Variants in CHST1 observed in about 807,000 individuals in gnomAD.
CHST1 encodes the protein carbohydrate sulfotransferase 1.
CHST1 carries 10 observed loss-of-function variants against 22.5 expected under a neutral mutation model. The observed-to-expected ratio is 0.44, with a 90% CI of 0.27 to 0.75. The LOEUF is 0.75. Ranked by LOEUF, CHST1 falls within the 30% of genes least tolerant of loss-of-function variation. CHST1 has a pLI of 0.15. For synonymous variants in CHST1, 267 were observed against 264.5 expected (o/e 1.01, Z -0.09); for missense variants, 439 against 576.1 (o/e 0.76, Z 2.44).
chr11:45,653,122 C>G (rs964183502), intron 1 of CHST1, among the ~76,000 whole-genome samples: 1 of 152,162 alleles, frequency 6.6e-6, no homozygotes. Flanking sequence ...TCTTCCCACA[C>G]CCCACTATTT....
intron 1 of CHST1, among the ~76,000 whole-genome samples, chr11:45,655,965 T>C (rs1001975307): frequency 2.6e-5 from 4 of 152,250 alleles, no homozygotes; most frequent in African/African-American, 9.6e-5. Flanking sequence ...CCCAGTCATC[T>C]TCCAGGAGGA....
At position 45,650,431 on chromosome 11, in the gene CHST1, C is replaced by T; in HGVS notation, c.493G>A (p.Val165Met). The change falls in exon 4 of 4, where the codon GTG becomes ATG. Residue 165 changes from valine (V) to methionine (M), a missense_variant. Val to Met is a conservative substitution (Grantham distance 21). Coordinates refer to ENST00000308064, the MANE Select transcript of CHST1 (RefSeq NM_003654.6). ...GASRVLCSRP[V>M]CDPPGPADLV... is the part of the protein sequence containing the mutation. Reference sequence around the variant, plus strand: ...TCGGCTGGCCCCGGAGGGTCGCACACAGGCCGGGAGCAGAGGACCCGGCTG... The same window carrying T: ...TCGGCTGGCCCCGGAGGGTCGCACATAGGCCGGGAGCAGAGGACCCGGCTG... The T allele has an allele frequency of 6.2e-7, 1 of 1,609,722 alleles. No individual in the cohort carries two copies.
intron 1 of CHST1, among the ~76,000 whole-genome samples, chr11:45,660,425 CT>C (rs1163380627): frequency 6.6e-6 from 1 of 152,154 alleles, no homozygotes; most frequent in African/African-American, 2.4e-5. Flanking sequence ...TTTGTTGACC[CT>C]TTTTGTGTGT....
chr11:45,650,144 G>C lies in CHST1; in HGVS notation c.780C>G (p.Thr260=), dbSNP rs779445818. 2 of 1,613,694 alleles carry C rather than the reference G, an allele frequency of 1.2e-6. No homozygotes were observed. The highest frequency in any genetic ancestry group is 2.7e-5 in the African/African-American group (2 of 74,938). ...TYRLWRLWYG[T]GRKPYNLDVT... is the part of the protein sequence containing the mutation. ...CGTCCAGGTTGTAGGGTTTCCTCCC[G>C]GTGCCGTACCAGAGCCGCCAGAGCC... Residue 260 remains threonine, a synonymous_variant, in exon 4 of 4, where the codon ACC becomes ACG. Transcript: ENST00000308064.
chr11:45,662,480 G>C (rs1430137896), intron 1 of CHST1, among the ~76,000 whole-genome samples: 1 of 152,170 alleles, frequency 6.6e-6, no homozygotes, highest in African/African-American at 2.4e-5. Context: ...GGTGTGCCGG[G>C]GCCGCTGGGG....
chr11:45,660,580 A>T (rs1852119049), intron 1 of CHST1, among the ~76,000 whole-genome samples: 1 of 152,242 alleles, frequency 6.6e-6, no homozygotes, highest in Non-Finnish European at 1.5e-5. Context: ...AGAGGGGCTT[A>T]AATGGCATCT....
intron 1 of CHST1, among the ~76,000 whole-genome samples, chr11:45,659,413 C>G (rs41408648): frequency 6.6e-6 from 1 of 152,084 alleles, no homozygotes; most frequent in Non-Finnish European, 1.5e-5. Flanking sequence ...GTGCCGATCT[C>G]GATCACAGCA....
intron 1 of CHST1, among the ~76,000 whole-genome samples, chr11:45,662,370 G>T (rs1852145611): frequency 6.6e-6 from 1 of 152,204 alleles, no homozygotes; most frequent in African/African-American, 2.4e-5. Flanking sequence ...GACAGGTAGG[G>T]TCTGAACAAA....
intron 1 of CHST1, among the ~76,000 whole-genome samples, chr11:45,659,995 C>G (rs1053411488): frequency 2.2e-4 from 34 of 152,168 alleles, no homozygotes; most frequent in Admixed American, 2.0e-4. Flanking sequence ...GGGTGAAGAG[C>G]ATTAGGAGGG....
chr11:45,656,611 A>C (rs888918351), intron 1 of CHST1, among the ~76,000 whole-genome samples: 2 of 152,112 alleles, frequency 1.3e-5, no homozygotes, highest in African/African-American at 2.4e-5. Flanking sequence ...GTTTGAGTTT[A>C]TTAATTTTGG....
At chr11:45,654,994 A>G (rs1852044426) in intron 1 of CHST1, among the ~76,000 whole-genome samples, 1 of 152,188 alleles carries the variant, frequency 6.6e-6, no homozygotes, top group Admixed American at 6.5e-5. Flanking sequence ...AAGTGGTCAT[A>G]GCTACAGTAG....
intron 1 of CHST1, among the ~76,000 whole-genome samples, chr11:45,656,884 T>C (rs1295902787): frequency 1.3e-5 from 2 of 151,980 alleles, no homozygotes; most frequent in African/African-American, 4.8e-5. Flanking sequence ...GGAGCTGAAA[T>C]AAAGCTGGAT....
chr11:45,663,271 C>T (rs998868947), intron 1 of CHST1, among the ~76,000 whole-genome samples: 3 of 152,124 alleles, frequency 2.0e-5, no homozygotes, highest in Non-Finnish European at 4.4e-5. Flanking sequence ...CACAGAGGTA[C>T]TCCTCCTCCG....
At position 45,649,605 on chromosome 11, in the gene CHST1, G is replaced by A. The variant is rs917604470; in HGVS notation, c.*83C>T. The A allele has an allele frequency of 2.9e-6, 4 of 1,360,314 alleles. No individual in the cohort carries two copies. In the East Asian group the frequency reaches 9.3e-5, roughly 32 times the overall value. 84.3% of individuals were successfully genotyped at this position (1,360,314 alleles called of 1,614,324 possible). A position where few individuals can be genotyped will look rare whatever the true frequency, so the allele number is the denominator to read the frequency against. ...ACGAAGATGAGGTGGGAGAGGGAGG[G>A]GTTAATAAGGCAACAGTTAAAAACG... is the stretch of plus-strand genomic sequence containing the variant. On this transcript the variant is annotated 3_prime_UTR_variant, in exon 4 of 4. Transcript: ENST00000308064.
At chr11:45,663,842 C>T (rs1051886761) in intron 1 of CHST1, among the ~76,000 whole-genome samples, 11 of 152,162 alleles carry the variant, frequency 7.2e-5, no homozygotes, top group Non-Finnish European at 1.2e-4. Context: ...CCTAAAGACC[C>T]GGTAGGGAGG....
At chr11:45,659,889 T>C (rs1852107873) in intron 1 of CHST1, among the ~76,000 whole-genome samples, 1 of 152,182 alleles carries the variant, frequency 6.6e-6, no homozygotes, top group Admixed American at 6.5e-5. Flanking sequence ...GCTTCCCTGC[T>C]CTAAGCCCAA....
intron 1 of CHST1, among the ~76,000 whole-genome samples, chr11:45,659,792 A>G (rs1852106676): frequency 1.3e-5 from 2 of 152,328 alleles, no homozygotes; most frequent in Non-Finnish European, 2.9e-5. Flanking sequence ...TATGCCACCA[A>G]AAAGACACCA....
At chr11:45,656,595 G>C (rs1852064789) in intron 1 of CHST1, among the ~76,000 whole-genome samples, 1 of 152,158 alleles carries the variant, frequency 6.6e-6, no homozygotes, top group African/African-American at 2.4e-5. Context: ...TGAGCTTTTT[G>C]ATTCAGTTTG....
chr11:45,661,304 A>G (rs1294418809), intron 1 of CHST1, among the ~76,000 whole-genome samples: 1 of 152,216 alleles, frequency 6.6e-6, no homozygotes, highest in Non-Finnish European at 1.5e-5. Context: ...CAGGGCTGCC[A>G]AGCCTCAGCA....
Sources: gnomAD v4.1 joint callset for allele counts (sites outside exome capture counted in the v4.1 genomes callset) on GRCh38, gnomAD v4.1.1 for gene constraint, MANE v1.5 for transcripts, NCBI Gene and HGNC (gene_info 2026-07-23, HGNC 2026-07-21) for gene names.